Variants in CNTNAP5 observed in about 807,000 individuals in gnomAD.
CNTNAP5 encodes the protein contactin associated protein family member 5.
Under a neutral mutation model 150.2 loss-of-function variants are expected in CNTNAP5, and 72 were observed. That is an observed-to-expected ratio of 0.48 (90% CI 0.40 to 0.58). CNTNAP5 has a LOEUF of 0.58. CNTNAP5 is among the 20% of genes least tolerant of loss of function. The pLI, the probability that CNTNAP5 is intolerant of heterozygous loss-of-function variation, is 0.00. For missense variants in CNTNAP5, 1,636 were observed against 1,626.2 expected, an observed-to-expected ratio of 1.01 and a Z score of -0.10; for synonymous variants, 672 against 619.8, an observed-to-expected ratio of 1.08 and a Z score of -1.25.
chr2:124,263,023 C>A (rs113142406), intron 3 of CNTNAP5, among the ~76,000 whole-genome samples: 25 of 152,016 alleles, frequency 1.6e-4, no homozygotes, highest in African/African-American at 5.1e-4. Flanking sequence ...TGTATATGTG[C>A]CACATTTTCT....
At chr2:124,900,533 T>C (rs1258058472) in intron 21 of CNTNAP5, among the ~76,000 whole-genome samples, 1 of 151,564 alleles carries the variant, frequency 6.6e-6, no homozygotes, top group South Asian at 2.1e-4. Context: ...GAGATAGGGC[T>C]TTATTTAAAA....
At chr2:124,246,414 G>A in intron 3 of CNTNAP5, among the ~76,000 whole-genome samples, 1 of 152,192 alleles carries the variant, frequency 6.6e-6, no homozygotes, top group East Asian at 1.9e-4. Flanking sequence ...AAATAATCAG[G>A]CATGAAGGTG....
At chr2:124,443,354 CTT>C (rs1236622092) in intron 5 of CNTNAP5, among the ~76,000 whole-genome samples, 1 of 150,990 alleles carries the variant, frequency 6.6e-6, no homozygotes, top group Non-Finnish European at 1.5e-5. Context: ...TGGGAAAGCT[CTT>C]TGTATTCTGA....
At chr2:124,399,309 A>C (rs1691346082) in intron 3 of CNTNAP5, among the ~76,000 whole-genome samples, 1 of 152,198 alleles carries the variant, frequency 6.6e-6, no homozygotes, top group African/African-American at 2.4e-5. Flanking sequence ...GTGAGCTTAC[A>C]TCTTCTCCAT....
chr2:124,825,304 T>G (rs1433446002), intron 19 of CNTNAP5, among the ~76,000 whole-genome samples: 1 of 152,120 alleles, frequency 6.6e-6, no homozygotes, highest in East Asian at 1.9e-4. Context: ...TATTTATTTT[T>G]TAGATTTTTA....
At chr2:124,120,207 T>C (rs1683529130) in intron 1 of CNTNAP5, among the ~76,000 whole-genome samples, 1 of 152,176 alleles carries the variant, frequency 6.6e-6, no homozygotes, top group South Asian at 2.1e-4. Flanking sequence ...TGTAGGTTAC[T>C]ATGGAAGCAC....
intron 11 of CNTNAP5, among the ~76,000 whole-genome samples, chr2:124,567,871 A>G (rs1230198112): frequency 6.9e-6 from 1 of 144,318 alleles, no homozygotes; most frequent in African/African-American, 2.5e-5. Flanking sequence ...ATAGATAGAT[A>G]GATAGATAGA....
chr2:124,376,899 A>G (rs569837015), intron 3 of CNTNAP5, among the ~76,000 whole-genome samples: 191 of 152,114 alleles, frequency 1.3e-3, no homozygotes, highest in African/African-American at 4.3e-3. Flanking sequence ...TGCACTATTG[A>G]TCTATTTTCT....
intron 21 of CNTNAP5, among the ~76,000 whole-genome samples, chr2:124,898,940 T>C (rs1678362111): frequency 6.6e-6 from 1 of 151,518 alleles, no homozygotes; most frequent in Admixed American, 6.6e-5. Context: ...GGAGAATAAG[T>C]TCTGGAGAAA....
intron 7 of CNTNAP5, among the ~76,000 whole-genome samples, chr2:124,485,187 G>A (rs1209278429): frequency 6.6e-6 from 1 of 152,186 alleles, no homozygotes; most frequent in Non-Finnish European, 1.5e-5. Context: ...AGGACTCCAA[G>A]TTGTCCAGAA....
chr2:124,027,457 A>G (rs1680926748), intron 1 of CNTNAP5, among the ~76,000 whole-genome samples: 2 of 152,268 alleles, frequency 1.3e-5, no homozygotes, highest in African/African-American at 4.8e-5. Context: ...TAAAAAAGAC[A>G]GAACATACTC....
intron 1 of CNTNAP5, among the ~76,000 whole-genome samples, chr2:124,164,897 G>A (rs1015741173): frequency 1.3e-5 from 2 of 152,146 alleles, no homozygotes; most frequent in African/African-American, 4.8e-5. Context: ...CTGGATGGGT[G>A]GCTGGCAGGA....
intron 1 of CNTNAP5, among the ~76,000 whole-genome samples, chr2:124,130,587 G>C (rs1683820683): frequency 6.6e-6 from 1 of 152,014 alleles, no homozygotes; most frequent in Non-Finnish European, 1.5e-5. Context: ...CCCCATCTAT[G>C]CAAAGCTATC....
In CNTNAP5 at chr2:124,215,712, CAAAAAAAAA is replaced by C. The variant is rs397985759; in HGVS notation, c.83-5980_83-5972del. Among the ~76,000 whole-genome samples, 757 of 82,086 alleles carry C rather than the reference CAAAAAAAAA, an allele frequency of 9.2e-3. 5 individuals are homozygous for C. Among genetic ancestry groups the C allele is most frequent in the African/African-American group, 0.031 (712 of 22,976 alleles). 53.9% of individuals were successfully genotyped at this position (82,086 alleles called of 152,430 possible). Reference sequence around the variant, plus strand: ...GTATTGAAGATGAATAGAAGAAAGGCAAAAAAAAAAAAAAAAAAAAAGAAGAGAAATTCA... The same window carrying C: ...GTATTGAAGATGAATAGAAGAAAGGCAAAAAAAAAAAAGAAGAGAAATTCA... On this transcript the variant is annotated intron_variant, in intron 1 of 23. Coordinates refer to ENST00000682447, the MANE Select transcript of CNTNAP5 (RefSeq NM_001367498.1).
intron 16 of CNTNAP5, 58 bp from the exon 17 acceptor site, chr2:124,772,741 G>T: frequency 7.6e-7 from 1 of 1,318,068 alleles, no homozygotes; most frequent in Non-Finnish European, 1.1e-6. Context: ...ACTCAAGCCT[G>T]TGCCTTGAAT....
chr2:124,338,298 CAT>C (rs1362255695), intron 3 of CNTNAP5, among the ~76,000 whole-genome samples: 1 of 152,186 alleles, frequency 6.6e-6, no homozygotes, highest in African/African-American at 2.4e-5. Context: ...GATAAACAAT[CAT>C]GTCATCTGCA....
intron 6 of CNTNAP5, among the ~76,000 whole-genome samples, chr2:124,471,751 T>G (rs924016116): frequency 1.9e-4 from 29 of 152,114 alleles, no homozygotes; most frequent in Non-Finnish European, 4.0e-4. Context: ...CATATCTAGT[T>G]TTTTGACAGT....
chr2:124,355,413 G>A (rs62171019), intron 3 of CNTNAP5, among the ~76,000 whole-genome samples: 50,912 of 151,994 alleles, frequency 0.33, 8,757 homozygotes, highest in Middle Eastern at 0.39. Context: ...TTTGATCAGT[G>A]TGTGAGGGAT....
chr2:124,720,954 G>T (rs1433460061), intron 13 of CNTNAP5, among the ~76,000 whole-genome samples: 2 of 151,656 alleles, frequency 1.3e-5, no homozygotes, highest in Non-Finnish European at 2.9e-5. Flanking sequence ...TCTTTACTAT[G>T]AACCTAAATA....
Sources: allele counts gnomAD v4.1 joint callset (sites outside exome capture counted in the v4.1 genomes callset), GRCh38; gene constraint gnomAD v4.1.1; transcripts MANE v1.5; gene names NCBI Gene and HGNC (gene_info 2026-07-23, HGNC 2026-07-21).